CSNK2A1: variants seen among roughly 807,000 people sequenced by gnomAD.
CSNK2A1 encodes the protein casein kinase II subunit alpha.
Under a neutral mutation model 62.9 loss-of-function variants are expected in CSNK2A1, and 10 were observed. The observed-to-expected ratio is 0.16, with a 90% CI of 0.10 to 0.27. CSNK2A1 has a LOEUF of 0.27. Ranked by LOEUF, CSNK2A1 falls within the 10% of genes least tolerant of loss-of-function variation. CSNK2A1 has a pLI of 1.00. For synonymous variants in CSNK2A1, 124 were observed against 167.8 expected (o/e 0.74, Z 2.02); for missense variants, 160 against 492.0 (o/e 0.33, Z 6.38).
chr20:537,591 G>C (rs1387666083), intron 1 of CSNK2A1, among the ~76,000 whole-genome samples: 1 of 152,138 alleles, frequency 6.6e-6, no homozygotes, highest in Admixed American at 6.5e-5. Flanking sequence ...AATGACAGCA[G>C]CTACTTTTCC....
At chr20:520,037 A>C (rs973739519) in intron 2 of CSNK2A1, among the ~76,000 whole-genome samples, 1 of 152,206 alleles carries the variant, frequency 6.6e-6, no homozygotes, top group African/African-American at 2.4e-5. Context: ...GAATAAAAAT[A>C]GCATATATTT....
rs763623518 is a variant in CSNK2A1 at position 483,948 on chromosome 20, A to G, written c.*13T>C. Reference sequence around the variant, plus strand: ...CCCACCTCTGCTCAGGCATCAGGAGACAGATAGGGCCGTTACTGCTGAGCG... The same window carrying G: ...CCCACCTCTGCTCAGGCATCAGGAGGCAGATAGGGCCGTTACTGCTGAGCG... On this transcript the variant is annotated 3_prime_UTR_variant, in exon 14 of 14. Coordinates refer to ENST00000217244, the MANE Select transcript of CSNK2A1 (RefSeq NM_177559.3). 4 of 1,607,786 alleles carry G rather than the reference A, an allele frequency of 2.5e-6. No individual in the cohort carries two copies. Among genetic ancestry groups the G allele is most frequent in the South Asian group, 1.1e-5 (1 of 90,152 alleles).
chr20:501,614 A>G (rs1328632333), intron 4 of CSNK2A1: 2 of 152,144 alleles, frequency 1.3e-5, no homozygotes, highest in South Asian at 2.1e-4. Flanking sequence ...GCATATCTCA[A>G]TTCAGCCCAG....
rs1426722451 is a variant in CSNK2A1 at position 481,514 on chromosome 20, T to C, written c.*2447A>G. On this transcript the variant is annotated 3_prime_UTR_variant, in exon 14 of 14. Coordinates refer to ENST00000217244, the MANE Select transcript of CSNK2A1 (RefSeq NM_177559.3). ...CCACCCCCCACCCAATTGGGTCTTTTTTTTTTTTCTCTCTCTCCATGCTTC... is the reference window on the plus strand; with the variant it reads ...CCACCCCCCACCCAATTGGGTCTTTCTTTTTTTTCTCTCTCTCCATGCTTC... The C allele has an allele frequency of 2.6e-5, 3 of 117,628 alleles. No homozygotes were observed. Among genetic ancestry groups the C allele is most frequent in the African/African-American group, 9.7e-5 (3 of 30,774 alleles). The allele number at this position is 117,628 out of a possible 1,614,324, so 7.3% of individuals were successfully genotyped here.
chr20:503,734 G>A (rs2018516458), intron 4 of CSNK2A1: 1 of 398,434 alleles, frequency 2.5e-6, no homozygotes, highest in Admixed American at 4.4e-5. Context: ...GGGTGGTGGT[G>A]TCCAACCAAT....
chr20:483,903 T>G lies in CSNK2A1; in HGVS notation c.*58A>C. The G allele has an allele frequency of 6.5e-7, 1 of 1,536,154 alleles. No homozygotes were observed. Among genetic ancestry groups the G allele is most frequent in the South Asian group, 1.2e-5 (1 of 80,178 alleles). ...CCCTCCCCGCCAGGCGCAAGCTGCA[T>G]CAAGGAGAGGGTGGACTCCCCCACC... is the stretch of plus-strand genomic sequence containing the variant. On this transcript the variant is annotated 3_prime_UTR_variant, in exon 14 of 14. Coordinates refer to ENST00000217244, the MANE Select transcript of CSNK2A1 (RefSeq NM_177559.3).
In CSNK2A1 at chr20:483,367, C is replaced by G. The variant is rs954430446; in HGVS notation, c.*594G>C. ...TCAACATCTTGATGTAACTAAGACACACTTCCACAAGAGCCACTAGGATAA... is the reference window on the plus strand; with the variant it reads ...TCAACATCTTGATGTAACTAAGACAGACTTCCACAAGAGCCACTAGGATAA... On this transcript the variant is annotated 3_prime_UTR_variant, in exon 14 of 14. Transcript: ENST00000217244. 1 of 152,280 alleles carries G rather than the reference C, an allele frequency of 6.6e-6. No individual in the cohort carries two copies. Among genetic ancestry groups the G allele is most frequent in the African/African-American group, 2.4e-5 (1 of 41,454 alleles). 9.4% of individuals were successfully genotyped at this position (152,280 alleles called of 1,614,324 possible).
At chr20:489,655 C>T (rs538796933) in intron 10 of CSNK2A1, 125 bp downstream of exon 10, 1 of 673,404 alleles carries the variant, frequency 1.5e-6, no homozygotes, top group South Asian at 4.5e-5. Context: ...CTGGTAGCTC[C>T]CGAAACATCA....
intron 1 of CSNK2A1, among the ~76,000 whole-genome samples, chr20:531,091 C>T (rs1052004909): frequency 2.0e-5 from 3 of 151,890 alleles, no homozygotes; most frequent in African/African-American, 7.3e-5. Flanking sequence ...TCTCAAAAAA[C>T]AAAAGAAAAG....
intron 1 of CSNK2A1, among the ~76,000 whole-genome samples, chr20:542,087 A>C (rs1296801684): frequency 1.3e-5 from 2 of 152,228 alleles, no homozygotes; most frequent in African/African-American, 2.4e-5. Flanking sequence ...CAAATTCTTG[A>C]CTATAAATTT....
At chr20:488,656 CA>C (rs2018152138) in intron 11 of CSNK2A1, 21 bp downstream of exon 11, 6 of 1,608,376 alleles carry the variant, frequency 3.7e-6, no homozygotes, top group Non-Finnish European at 5.1e-6. Flanking sequence ...CACAGATGCA[CA>C]TATTTTGTTT....
intron 2 of CSNK2A1, among the ~76,000 whole-genome samples, chr20:517,213 GGCA>G (rs1282990488): frequency 6.6e-6 from 1 of 152,162 alleles, no homozygotes; most frequent in African/African-American, 2.4e-5. Flanking sequence ...TTACAAAAGG[GGCA>G]CTGATTAGAA....
At chr20:496,407 A>G (rs1292377720) in intron 7 of CSNK2A1, 1 of 152,612 alleles carries the variant, frequency 6.6e-6, no homozygotes, top group African/African-American at 2.4e-5. Context: ...GAAGTTTGCC[A>G]ATGCCTGATT....
intron 13 of CSNK2A1, among the ~76,000 whole-genome samples, chr20:485,109 A>AATATACATATATAT (rs2018062471): frequency 2.4e-4 from 6 of 24,666 alleles, no homozygotes; most frequent in African/African-American, 8.6e-4. Context: ...AAAAAAAAAA[A>AATATACATATATAT]ATATATATAT....
intron 1 of CSNK2A1, among the ~76,000 whole-genome samples, chr20:541,947 T>C (rs978559498): frequency 6.6e-6 from 1 of 152,144 alleles, no homozygotes; most frequent in Non-Finnish European, 1.5e-5. Context: ...CTTTTGAGAA[T>C]ACCACGGAGG....
At chr20:518,622 C>G (rs1326353367) in intron 2 of CSNK2A1, among the ~76,000 whole-genome samples, 1 of 152,042 alleles carries the variant, frequency 6.6e-6, no homozygotes, top group Admixed American at 6.5e-5. Flanking sequence ...TCTCAGCTCA[C>G]TGCAAGCTCT....
intron 13 of CSNK2A1, among the ~76,000 whole-genome samples, chr20:484,788 C>T (rs894584763): frequency 5.3e-5 from 8 of 151,538 alleles, no homozygotes; most frequent in African/African-American, 1.7e-4. Context: ...ATACAAAGGC[C>T]AGGTGCAGTG....
At chr20:532,201 G>T (rs2019226177) in intron 1 of CSNK2A1, among the ~76,000 whole-genome samples, 4 of 150,606 alleles carry the variant, frequency 2.7e-5, no homozygotes, top group Admixed American at 6.6e-5. Context: ...GTCTCGCTCT[G>T]TCGCCAGGCC....
At chr20:523,579 T>A (rs1600405136) in intron 2 of CSNK2A1, among the ~76,000 whole-genome samples, 1 of 152,228 alleles carries the variant, frequency 6.6e-6, no homozygotes, top group Non-Finnish European at 1.5e-5. Flanking sequence ...TTCATTTATA[T>A]GACATTCACG....
Sources: allele counts gnomAD v4.1 joint callset (sites outside exome capture counted in the v4.1 genomes callset), GRCh38; gene constraint gnomAD v4.1.1; transcripts MANE v1.5; gene names NCBI Gene and HGNC (gene_info 2026-07-23, HGNC 2026-07-21).